Variants in ASPH observed in about 807,000 individuals in gnomAD.
ASPH encodes aspartyl/asparaginyl beta-hydroxylase.
Under a neutral mutation model 118.4 loss-of-function variants are expected in ASPH, and 100 were observed. That is an observed-to-expected ratio of 0.84 (90% CI 0.72 to 1.00). The LOEUF is 1.00. Among genes scored for constraint, ASPH ranks in the 50% least tolerant of loss-of-function variants. The pLI, the probability that ASPH is intolerant of heterozygous loss-of-function variation, is 0.00. For synonymous variants in ASPH, 315 were observed against 325.6 expected (o/e 0.97, Z 0.35); for missense variants, 920 against 919.5 (o/e 1.00, Z -0.01).
intron 19 of ASPH, among the ~76,000 whole-genome samples, chr8:61,553,331 A>G (rs2131135874): frequency 6.6e-6 from 1 of 152,384 alleles, no homozygotes; most frequent in East Asian, 1.9e-4. Context: ...CAATGCATTC[A>G]TCATTAATTC....
chr8:61,511,238 A>C (rs1808705218), intron 24 of ASPH, among the ~76,000 whole-genome samples: 2 of 152,224 alleles, frequency 1.3e-5, no homozygotes, highest in South Asian at 4.1e-4. Flanking sequence ...CTACAGCAAT[A>C]TAGAATTCTA....
chr8:61,700,590 C>T (rs374041280), intron 1 of ASPH, among the ~76,000 whole-genome samples: 1 of 152,072 alleles, frequency 6.6e-6, no homozygotes, highest in Admixed American at 6.5e-5. Flanking sequence ...ACAAAATGTG[C>T]TTCCATATGT....
chr8:61,531,669 G>A (rs895045716), intron 21 of ASPH, among the ~76,000 whole-genome samples: 3 of 151,866 alleles, frequency 2.0e-5, no homozygotes, highest in African/African-American at 7.3e-5. Flanking sequence ...CTGAAAGTTT[G>A]TACTCTTCAA....
intron 24 of ASPH, chr8:61,517,040 A>C (rs1283569698): frequency 1.3e-5 from 2 of 153,514 alleles, no homozygotes; most frequent in African/African-American, 4.8e-5. Context: ...AAGGTTACAC[A>C]GGTTAGGTGT....
chr8:61,610,276 G>A (rs2133882241), intron 14 of ASPH, among the ~76,000 whole-genome samples: 1 of 152,252 alleles, frequency 6.6e-6, no homozygotes, highest in Middle Eastern at 3.4e-3. Flanking sequence ...GTGAAAACAG[G>A]TGTCCTAAAT....
Position 61,705,465 on chromosome 8 carries a change from G to C in ASPH, c.103+8804C>G, listed in dbSNP as rs544973369. Among the ~76,000 whole-genome samples the C allele has an allele frequency of 2.1e-4, 32 of 152,226 alleles. No individual in the cohort carries two copies. The Middle Eastern group carries it at 0.01, about 49-fold the overall frequency. ...ACTATTTGACAATAAAAAGGAACAA[G>C]TGACCGTGTACACAACATAAACGAA... On this transcript the variant is annotated intron_variant, in intron 1 of 24. Coordinates refer to ENST00000379454, the MANE Select transcript of ASPH (RefSeq NM_004318.4).
chr8:61,508,845 C>G (rs1807669526), intron 24 of ASPH, among the ~76,000 whole-genome samples: 1 of 152,148 alleles, frequency 6.6e-6, no homozygotes, highest in African/African-American at 2.4e-5. Flanking sequence ...GGTCAGAGAG[C>G]TCAGGAATAA....
intron 14 of ASPH, among the ~76,000 whole-genome samples, chr8:61,609,336 G>A (rs920459671): frequency 1.2e-4 from 18 of 151,932 alleles, no homozygotes; most frequent in South Asian, 6.2e-4. Flanking sequence ...AGGTTTCTCC[G>A]TATTTCTGAG....
chr8:61,682,487 C>T (rs755348160), intron 2 of ASPH: 21 of 1,611,988 alleles, frequency 1.3e-5, no homozygotes, highest in Non-Finnish European at 1.8e-5. Context: ...GCTTTGGCTG[C>T]ATGCATGTAA....
intron 23 of ASPH, 67 bp downstream of exon 23, chr8:61,517,965 G>A: frequency 2.1e-6 from 3 of 1,455,518 alleles, no homozygotes; most frequent in Non-Finnish European, 9.5e-7. Context: ...CCATTTCTTT[G>A]TAAAGGTCAA....
intron 14 of ASPH, among the ~76,000 whole-genome samples, chr8:61,611,317 C>T (rs576583191): frequency 2.6e-5 from 4 of 152,224 alleles, no homozygotes; most frequent in South Asian, 2.1e-4. Context: ...CCAGAGTGAG[C>T]GATTAAAAGG....
At chr8:61,524,782 T>C (rs577206927) in intron 22 of ASPH, among the ~76,000 whole-genome samples, 1 of 152,194 alleles carries the variant, frequency 6.6e-6, no homozygotes, top group African/African-American at 2.4e-5. Flanking sequence ...AAACTACAGT[T>C]TCTAGAAATT....
At chr8:61,653,436 A>T in intron 4 of ASPH, 132 bp downstream of exon 4, 1 of 807,944 alleles carries the variant, frequency 1.2e-6, no homozygotes, top group South Asian at 2.0e-5. Flanking sequence ...TAATTTCAGA[A>T]GAGAAAAAAA....
intron 14 of ASPH, among the ~76,000 whole-genome samples, chr8:61,607,935 T>C (rs755457989): frequency 6.6e-6 from 1 of 152,174 alleles, no homozygotes; most frequent in Non-Finnish European, 1.5e-5. Context: ...TCTCAGCTGC[T>C]GAAATCAGGG....
At chr8:61,527,355 A>G (rs1386164005) in intron 21 of ASPH, among the ~76,000 whole-genome samples, 1 of 152,224 alleles carries the variant, frequency 6.6e-6, no homozygotes, top group African/African-American at 2.4e-5. Context: ...TCATGATTCC[A>G]CATAAGAAGG....
intron 1 of ASPH, among the ~76,000 whole-genome samples, chr8:61,688,997 G>A (rs1831678937): frequency 6.6e-6 from 1 of 152,172 alleles, no homozygotes; most frequent in African/African-American, 2.4e-5. Flanking sequence ...GTTAGAAGCA[G>A]TTTTCATACA....
rs144295536 is a variant in ASPH, at chr8:61,649,772, C to T, written c.490+1278G>A. On this transcript the variant is annotated intron_variant, in intron 5 of 24. Transcript: ENST00000379454. ...TACCTGCACAACCTCCATCTAATCT[C>T]CCAGCTGCACTCTTGCATCCCCCCA... 5.5e-3 allele frequency among the ~76,000 whole-genome samples: 842 copies of T among 152,190 alleles called. 3 individuals are homozygous for T. Among genetic ancestry groups the T allele is most frequent in the Non-Finnish European group, 9.2e-3 (626 of 68,020 alleles).
intron 2 of ASPH, chr8:61,682,503 T>A (rs1000133845): frequency 1.2e-6 from 2 of 1,607,082 alleles, no homozygotes; most frequent in Non-Finnish European, 1.7e-6. Flanking sequence ...TGTAAAAACA[T>A]GAAAACTGTT....
chr8:61,555,919 A>G lies in ASPH; in HGVS notation c.1536+5T>C, dbSNP rs761888788. 1.2e-6 allele frequency: 2 copies of G among 1,612,914 alleles called. No homozygotes were observed. The highest frequency in any genetic ancestry group is 1.1e-5 in the South Asian group (1 of 90,942). On this transcript the variant is annotated splice_donor_5th_base_variant and intron_variant, in intron 19 of 24. Transcript: ENST00000379454. ...TGAAAGGAGAGGAGAAGCAGTGAGCATTACCTTTAAATATGGGATGCTCTC... is the reference window on the plus strand; with the variant it reads ...TGAAAGGAGAGGAGAAGCAGTGAGCGTTACCTTTAAATATGGGATGCTCTC...
Sources: allele counts gnomAD v4.1 joint callset (sites outside exome capture counted in the v4.1 genomes callset), GRCh38; gene constraint gnomAD v4.1.1; transcripts MANE v1.5; gene names NCBI Gene and HGNC (gene_info 2026-07-23, HGNC 2026-07-21).